The following LBP variants were observed in gnomAD, a reference collection of about 807,000 sequenced individuals.
LBP encodes the protein lipopolysaccharide binding protein.
Under a neutral mutation model 56.6 loss-of-function variants are expected in LBP, and 53 were observed. That is an observed-to-expected ratio of 0.94 (90% CI 0.75 to 1.18). LBP has a LOEUF of 1.18. Among genes scored for constraint, LBP ranks in the 50% most tolerant of loss-of-function variants. The probability of loss-of-function intolerance (pLI) is 0.00; values close to 1 mark genes in which losing one functional copy is unlikely to be tolerated. For synonymous variants in LBP, 227 were observed against 247.5 expected, an observed-to-expected ratio of 0.92 and a Z score of 0.78; for missense variants, 601 against 598.3, an observed-to-expected ratio of 1.00 and a Z score of -0.05.
At chr20:38,369,940 C>T (rs1378162219) in intron 10 of LBP, among the ~76,000 whole-genome samples, 1 of 152,208 alleles carries the variant, frequency 6.6e-6, no homozygotes, top group Non-Finnish European at 1.5e-5. Flanking sequence ...GGATGGAGAA[C>T]TCTGCTCTCT....
Position 38,369,112 on chromosome 20 carries a change from T to G in LBP, c.1099T>G (p.Phe367Val). ...GGACCCCTATATGGAGATAGATGCC[T>G]TTGTGCTCCTGCCCAGCTCCAGCAA... ...SVDPYMEIDA[F>V]VLLPSSSKEP... The change falls in exon 10 of 15, where the codon TTT (phenylalanine) becomes GTT (valine). Residue 367 changes from phenylalanine (F) to valine (V), a missense_variant. Coordinates refer to ENST00000217407, the MANE Select transcript of LBP (RefSeq NM_004139.5). The G allele has an allele frequency of 2.5e-6, 4 of 1,614,176 alleles. No homozygotes were observed. The highest frequency in any genetic ancestry group is 3.4e-6 in the Non-Finnish European group (4 of 1,180,016).
intron 5 of LBP, among the ~76,000 whole-genome samples, chr20:38,356,825 T>C (rs16987263): frequency 0.045 from 6,816 of 152,174 alleles, 473 homozygotes; most frequent in African/African-American, 0.15. Context: ...GATAATGGGC[T>C]CAGCAGTTCA....
At position 38,349,523 on chromosome 20, in the gene LBP, A is replaced by G. The variant is rs201142091; in HGVS notation, c.125-25A>G. ...GGGAGGAGGCAGGCAGATCAAGCTG[A>G]CTCCCAGCTATTTCCTTTCCACAGC... On this transcript the variant is annotated intron_variant, in intron 1 of 14. Coordinates refer to ENST00000217407, the MANE Select transcript of LBP (RefSeq NM_004139.5). 240 of 1,544,108 alleles carry G rather than the reference A, an allele frequency of 1.6e-4. No individual in the cohort carries two copies. The African/African-American group carries it at 3.0e-3, about 19-fold the overall frequency.
At chr20:38,357,360 C>T (rs1239673606) in intron 5 of LBP, among the ~76,000 whole-genome samples, 1 of 152,176 alleles carries the variant, frequency 6.6e-6, no homozygotes, top group East Asian at 1.9e-4. Context: ...TCTCACCTGA[C>T]CCCTGATCCT....
At chr20:38,354,260 C>T in intron 3 of LBP, 24 bp from the exon 4 acceptor site, 1 of 1,603,076 alleles carries the variant, frequency 6.2e-7, no homozygotes, top group Non-Finnish European at 8.5e-7. Context: ...AGGAACTAAC[C>T]ATGGCTTCTC....
intron 10 of LBP, 128 bp from the exon 11 acceptor site, chr20:38,370,610 T>C: frequency 1.3e-6 from 1 of 782,826 alleles, no homozygotes; most frequent in Non-Finnish European, 2.2e-6. Flanking sequence ...TATGATCTAG[T>C]GGGCAAATTT....
chr20:38,369,285 C>A, intron 10 of LBP, 123 bp downstream of exon 10: 1 of 993,818 alleles, frequency 1.0e-6, no homozygotes, highest in Non-Finnish European at 1.4e-6. Flanking sequence ...TTAAATATTA[C>A]TTCCCGAGAG....
chr20:38,375,291 T>C (rs550436170), intron 14 of LBP, among the ~76,000 whole-genome samples: 1 of 151,048 alleles, frequency 6.6e-6, no homozygotes, highest in East Asian at 1.9e-4. Context: ...TTAAAACAAA[T>C]TTTTTTTTAG....
At chr20:38,368,850 C>A in intron 9 of LBP, 145 bp from the exon 10 acceptor site, 1 of 758,496 alleles carries the variant, frequency 1.3e-6, no homozygotes, top group Non-Finnish European at 2.2e-6. Flanking sequence ...GCCAGTTTTG[C>A]CACTAGGAGA....
rs6127842 is a variant in LBP, at chr20:38,357,413, C to T, written c.588+2004C>T. Among the ~76,000 whole-genome samples the T allele has an allele frequency of 5.4e-3, 819 of 152,296 alleles. 8 individuals carry two copies. The highest frequency in any genetic ancestry group is 0.018 in the African/African-American group (760 of 41,570). On this transcript the variant is annotated intron_variant, in intron 5 of 14. Transcript: ENST00000217407. ...TCTTCCAGAAAAACTAAGAGCCTGA[C>T]GCAGGCCTTTCTAATTCCCCACTCA...
chr20:38,369,809 G>T (rs1464215203), intron 10 of LBP, among the ~76,000 whole-genome samples: 1 of 152,098 alleles, frequency 6.6e-6, no homozygotes, highest in Non-Finnish European at 1.5e-5. Context: ...TCCATCACTT[G>T]TATAACCAAT....
rs912375879 is a variant in LBP, at chr20:38,349,759, T to TG, written c.239+103dup. On this transcript the variant is annotated intron_variant, in intron 2 of 14. Coordinates refer to ENST00000217407, the MANE Select transcript of LBP (RefSeq NM_004139.5). Reference sequence around the variant, plus strand: ...AAGAGAGAGCCTCAGGATTGGGCTGTGGGGGGACCTCTCCGGGGCAGACAG... The same window carrying TG: ...AAGAGAGAGCCTCAGGATTGGGCTGTGGGGGGGACCTCTCCGGGGCAGACAG... 3.3e-4 allele frequency: 282 copies of TG among 857,186 alleles called. 1 individual carries two copies. The African/African-American group carries it at 4.2e-3, about 13-fold the overall frequency. 53.1% of individuals were successfully genotyped at this position (857,186 alleles called of 1,614,324 possible). A position where few individuals can be genotyped will look rare whatever the true frequency, so the allele number is the denominator to read the frequency against.
chr20:38,356,821 G>A (rs1391999400), intron 5 of LBP, among the ~76,000 whole-genome samples: 1 of 152,038 alleles, frequency 6.6e-6, no homozygotes, highest in Non-Finnish European at 1.5e-5. Context: ...CAGGGATAAT[G>A]GGCTCAGCAG....
At chr20:38,362,059 T>TC (rs2076862221) in intron 6 of LBP, among the ~76,000 whole-genome samples, 1 of 146,250 alleles carries the variant, frequency 6.8e-6, no homozygotes, top group African/African-American at 2.5e-5. Context: ...TTTTCTTTTT[T>TC]TTTTTTTTTT....
chr20:38,353,453 C>T (rs2076827397), intron 3 of LBP, among the ~76,000 whole-genome samples: 1 of 146,616 alleles, frequency 6.8e-6, no homozygotes, highest in African/African-American at 2.5e-5. Context: ...CAACCTGTCG[C>T]TGCTAGCGGA....
chr20:38,360,838 T>C (rs2076857563), intron 6 of LBP, 71 bp downstream of exon 6: 1 of 1,178,992 alleles, frequency 8.5e-7, no homozygotes, highest in Admixed American at 2.0e-5. Context: ...ATATATCTTA[T>C]AAAATAGTAA....
intron 3 of LBP, among the ~76,000 whole-genome samples, chr20:38,352,445 A>AAAAC (rs766453123): frequency 2.6e-5 from 4 of 152,192 alleles, no homozygotes; most frequent in South Asian, 2.1e-4. Context: ...TTAGGATTAA[A>AAAAC]AAACAAACAA....
intron 2 of LBP, among the ~76,000 whole-genome samples, chr20:38,350,329 T>A (rs2076816138): frequency 6.6e-6 from 1 of 152,206 alleles, no homozygotes; most frequent in South Asian, 2.1e-4. Flanking sequence ...TGACCGTTCT[T>A]TTCCCACTGT....
intron 5 of LBP, among the ~76,000 whole-genome samples, chr20:38,360,312 G>A (rs930565238): frequency 1.3e-5 from 2 of 151,708 alleles, no homozygotes; most frequent in African/African-American, 4.8e-5. Context: ...GTTTATTTGT[G>A]TTTATTTCTA....
Sources: gnomAD v4.1 joint callset for allele counts (sites outside exome capture counted in the v4.1 genomes callset) on GRCh38, gnomAD v4.1.1 for gene constraint, MANE v1.5 for transcripts, NCBI Gene and HGNC (gene_info 2026-07-23, HGNC 2026-07-21) for gene names.